Variants in OPA1 observed in about 807,000 individuals in gnomAD.
The protein encoded by OPA1 is OPA1 mitochondrial dynamin like GTPase, also known as dynamin-like GTPase OPA1, mitochondrial.
Under a neutral mutation model 152.9 loss-of-function variants are expected in OPA1, and 59 were observed. The observed-to-expected ratio is 0.39, with a 90% CI of 0.31 to 0.48. The LOEUF is 0.48. OPA1 is among the 20% of genes least tolerant of loss of function. The probability of loss-of-function intolerance (pLI) is 0.96; values close to 1 mark genes in which losing one functional copy is unlikely to be tolerated. For missense variants in OPA1, 1,008 were observed against 1,216.8 expected (o/e 0.83, Z 2.55); for synonymous variants, 400 against 389.9 (o/e 1.03, Z -0.31).
chr3:193,676,851 G>C (rs975268157), intron 29 of OPA1, among the ~76,000 whole-genome samples: 15 of 152,026 alleles, frequency 9.9e-5, no homozygotes, highest in African/African-American at 2.7e-4. Flanking sequence ...CGTGGTGGCG[G>C]GCGCCTGTAG....
At chr3:193,650,351 A>C (rs1407186906) in intron 21 of OPA1, among the ~76,000 whole-genome samples, 5 of 152,156 alleles carry the variant, frequency 3.3e-5, no homozygotes, top group African/African-American at 1.2e-4. Context: ...AGGCTGAAAA[A>C]ATGTTATGTT....
chr3:193,688,444 CTT>C (rs1560079327), intron 29 of OPA1, among the ~76,000 whole-genome samples: 2 of 38,520 alleles, frequency 5.2e-5, no homozygotes, highest in African/African-American at 1.4e-4. Flanking sequence ...TGAAATGGGT[CTT>C]TTCTTTTTTT....
Position 193,604,609 on chromosome 3 carries a change from C to T in OPA1, c.33-10114C>T, listed in dbSNP as rs571216831. ...GGCATGGTGGCTAACGCCTGTAATCCCAGCACTTTGGGAGGCTGAGGCAGG... is the reference window on the plus strand; with the variant it reads ...GGCATGGTGGCTAACGCCTGTAATCTCAGCACTTTGGGAGGCTGAGGCAGG... On this transcript the variant is annotated intron_variant, in intron 1 of 30. Transcript: ENST00000361510. Among the ~76,000 whole-genome samples, 252 of 152,150 alleles carry T rather than the reference C, an allele frequency of 1.7e-3. 1 individual carries two copies. The highest frequency in any genetic ancestry group is 2.6e-3 in the Non-Finnish European group (177 of 68,006).
chr3:193,669,469 G>A (rs752945650), intron 29 of OPA1, among the ~76,000 whole-genome samples: 2 of 152,052 alleles, frequency 1.3e-5, no homozygotes, highest in African/African-American at 2.4e-5. Flanking sequence ...TGTCATCTTC[G>A]GCAGGGAATC....
intron 1 of OPA1, among the ~76,000 whole-genome samples, chr3:193,607,614 A>G (rs567988438): frequency 6.6e-6 from 1 of 152,058 alleles, no homozygotes; most frequent in Non-Finnish European, 1.5e-5. Flanking sequence ...GTTCTGTTCC[A>G]TTGGCCTATA....
At chr3:193,635,389 A>G (rs1001943147) in intron 8 of OPA1, 29 bp from the exon 9 acceptor site, 12 of 1,348,780 alleles carry the variant, frequency 8.9e-6, no homozygotes, top group African/African-American at 8.6e-5. Context: ...TCTTTTGCTT[A>G]TATAGTTACA....
chr3:193,622,086 A>C (rs1730191002), intron 6 of OPA1, among the ~76,000 whole-genome samples: 1 of 152,192 alleles, frequency 6.6e-6, no homozygotes, highest in Non-Finnish European at 1.5e-5. Flanking sequence ...TCAGAAGGCA[A>C]CAAGCACATT....
intron 1 of OPA1, among the ~76,000 whole-genome samples, chr3:193,594,299 C>A (rs975450086): frequency 6.6e-6 from 1 of 152,150 alleles, no homozygotes; most frequent in Non-Finnish European, 1.5e-5. Flanking sequence ...GAATTAACTT[C>A]TAAGCAGTTG....
At chr3:193,596,849 A>G (rs1178126851) in intron 1 of OPA1, 2 of 152,214 alleles carry the variant, frequency 1.3e-5, no homozygotes, top group African/African-American at 4.8e-5. Flanking sequence ...CAGCAAGAAC[A>G]TAAAGAATCA....
At chr3:193,607,770 T>C (rs1190095859) in intron 1 of OPA1, among the ~76,000 whole-genome samples, 1 of 152,224 alleles carries the variant, frequency 6.6e-6, no homozygotes, top group Non-Finnish European at 1.5e-5. Context: ...ATATGAACTT[T>C]AAAGTAGTTT....
chr3:193,596,361 CTTAA>C (rs66606874), intron 1 of OPA1, among the ~76,000 whole-genome samples: 1,420 of 46,096 alleles, frequency 0.031, 28 homozygotes, highest in African/African-American at 0.066. Flanking sequence ...CTTTTCTTTT[CTTAA>C]TTTTCTTTTC....
chr3:193,671,110 T>C (rs919757234), intron 29 of OPA1, among the ~76,000 whole-genome samples: 1 of 152,188 alleles, frequency 6.6e-6, no homozygotes, highest in African/African-American at 2.4e-5. Flanking sequence ...CAAAAAGGGA[T>C]GTTTATGTCA....
At chr3:193,604,469 G>A (rs1431943311) in intron 1 of OPA1, among the ~76,000 whole-genome samples, 1 of 152,206 alleles carries the variant, frequency 6.6e-6, no homozygotes, top group African/African-American at 2.4e-5. Context: ...TTGGTTGCAG[G>A]TCGAGGAAAA....
chr3:193,655,979 C>G (rs565343659), intron 22 of OPA1, among the ~76,000 whole-genome samples: 1 of 152,304 alleles, frequency 6.6e-6, no homozygotes, highest in South Asian at 2.1e-4. Context: ...TTCCTTATCT[C>G]TGTTCTCAAT....
intron 29 of OPA1, among the ~76,000 whole-genome samples, chr3:193,669,775 CTTTGCAA>C (rs1717514574): frequency 6.6e-6 from 1 of 152,098 alleles, no homozygotes; most frequent in South Asian, 2.1e-4. Context: ...TTAGTAGAGG[CTTTGCAA>C]CCCCATTACT....
intron 1 of OPA1, among the ~76,000 whole-genome samples, chr3:193,607,335 C>G (rs960247839): frequency 1.3e-5 from 2 of 152,184 alleles, no homozygotes; most frequent in Non-Finnish European, 2.9e-5. Flanking sequence ...ACATGAAGTC[C>G]TTGGCCATGC....
chr3:193,616,997 C>A (rs1729122393), intron 3 of OPA1, among the ~76,000 whole-genome samples, 181 bp from the exon 4 acceptor site: 2 of 152,214 alleles, frequency 1.3e-5, no homozygotes, highest in Non-Finnish European at 2.9e-5. Context: ...GGGCTGGAAC[C>A]CGGGCTCCTC....
At chr3:193,594,305 A>T (rs1024184706) in intron 1 of OPA1, among the ~76,000 whole-genome samples, 1 of 152,184 alleles carries the variant, frequency 6.6e-6, no homozygotes, top group Non-Finnish European at 1.5e-5. Context: ...ACTTCTAAGC[A>T]GTTGTTTTGA....
chr3:193,618,163 G>A (rs754007974), intron 5 of OPA1, among the ~76,000 whole-genome samples: 1 of 152,106 alleles, frequency 6.6e-6, no homozygotes, highest in Non-Finnish European at 1.5e-5. Flanking sequence ...TGTCTCATCT[G>A]CCCTGTCATG....
Sources: allele counts gnomAD v4.1 joint callset (sites outside exome capture counted in the v4.1 genomes callset), GRCh38; gene constraint gnomAD v4.1.1; transcripts MANE v1.5; gene names NCBI Gene and HGNC (gene_info 2026-07-23, HGNC 2026-07-21).